The following FTSJ1 variants were observed in gnomAD, a reference collection of about 807,000 sequenced individuals.
The protein encoded by FTSJ1 is tRNA (cytidine(32)/guanosine(34)-2'-O)-methyltransferase.
A neutral mutation model predicts 28.5 loss-of-function variants in FTSJ1; 3 were observed. The observed-to-expected ratio is 0.11, with a 90% CI of 0.05 to 0.27. The LOEUF (loss-of-function observed/expected upper bound fraction) is 0.27, where lower values mean the gene tolerates loss of function less well. Ranked by LOEUF, FTSJ1 falls within the 10% of genes least tolerant of loss-of-function variation. FTSJ1 has a pLI of 1.00. For synonymous variants in FTSJ1, 104 were observed against 113.9 expected (o/e 0.91, Z 0.55); for missense variants, 162 against 279.0 (o/e 0.58, Z 2.99).
chrX:48,478,601 G>A lies in FTSJ1; in HGVS notation c.192-16G>A, dbSNP rs782588927. ...CGGGAGCGAAACTAGGCTGATGTGGGCCATGTTGTCCACAGGGGCCAAGGG... is the reference window on the plus strand; with the variant it reads ...CGGGAGCGAAACTAGGCTGATGTGGACCATGTTGTCCACAGGGGCCAAGGG... On this transcript the variant is annotated splice_polypyrimidine_tract_variant and intron_variant, in intron 3 of 12. Coordinates refer to ENST00000348411, the MANE Select transcript of FTSJ1 (RefSeq NM_012280.4). 3.7e-5 allele frequency: 45 copies of A among 1,200,368 alleles called. No individual in the cohort carries two copies. The Admixed American group carries it at 9.0e-4, about 24-fold the overall frequency.
intron 12 of FTSJ1, among the ~76,000 whole-genome samples, chrX:48,484,102 C>A (rs1309604845): frequency 1.8e-5 from 2 of 109,698 alleles, no homozygotes; most frequent in African/African-American, 6.7e-5. Flanking sequence ...CAGAGTCTTA[C>A]TCTGTTACCC....
chrX:48,478,018 C>G lies in FTSJ1; in HGVS notation c.-30C>G. ...ATACTGGCCGGCATCAGTGGACTGT[C>G]GGCAGGTCCTTGAGCAACTGGTGTG... On this transcript the variant is annotated 5_prime_UTR_variant, in exon 2 of 13. Coordinates refer to ENST00000348411, the MANE Select transcript of FTSJ1 (RefSeq NM_012280.4). 2 of 1,211,090 alleles carry G rather than the reference C, an allele frequency of 1.7e-6. No homozygotes were observed. The highest frequency in any genetic ancestry group is 2.2e-6 in the Non-Finnish European group (2 of 895,133).
intron 5 of FTSJ1, among the ~76,000 whole-genome samples, chrX:48,480,420 G>C (rs782722449): frequency 2.7e-5 from 3 of 110,629 alleles, no homozygotes; most frequent in Admixed American, 9.7e-5. Context: ...ACAGAGTGAG[G>C]GGGGGAGAGT....
At chrX:48,478,218 T>C in intron 2 of FTSJ1, 50 bp downstream of exon 2, 1 of 1,129,176 alleles carries the variant, frequency 8.9e-7, no homozygotes, top group Non-Finnish European at 1.2e-6. Flanking sequence ...GCACAGGAGG[T>C]AAACAAGTAG....
intron 4 of FTSJ1, 151 bp from the exon 5 acceptor site, chrX:48,478,887 T>G (rs1556967538): frequency 1.8e-6 from 1 of 549,230 alleles, no homozygotes; most frequent in Non-Finnish European, 3.1e-6. Flanking sequence ...AAAATGATGA[T>G]GCTGGGTCCC....
chrX:48,483,997 C>T (rs782680912), intron 12 of FTSJ1, among the ~76,000 whole-genome samples: 1 of 111,121 alleles, frequency 9.0e-6, no homozygotes, highest in South Asian at 3.8e-4. Flanking sequence ...TCTAAAACCA[C>T]GATGTTAGAG....
intron 4 of FTSJ1, 27 bp from the exon 5 acceptor site, chrX:48,479,011 G>A (rs367968238): frequency 1.4e-5 from 16 of 1,118,162 alleles, no homozygotes; most frequent in Non-Finnish European, 1.8e-5. Context: ...AGGGCCGTGG[G>A]GCCACTCATC....
intron 6 of FTSJ1, 30 bp from the exon 7 acceptor site, chrX:48,481,259 C>G: frequency 1.7e-6 from 2 of 1,205,894 alleles, no homozygotes; most frequent in South Asian, 3.5e-5. Flanking sequence ...CTGTCTCCAC[C>G]TCAGCCTCAG....
intron 12 of FTSJ1, among the ~76,000 whole-genome samples, chrX:48,483,966 A>G (rs781863729): frequency 1.8e-5 from 2 of 111,670 alleles, no homozygotes; most frequent in Admixed American, 1.9e-4. Flanking sequence ...ATGGGAGGAA[A>G]GTTTATCCAT....
intron 5 of FTSJ1, among the ~76,000 whole-genome samples, chrX:48,480,286 G>T (rs781958035): frequency 1.2e-4 from 13 of 111,280 alleles, no homozygotes; most frequent in Non-Finnish European, 2.5e-4. Flanking sequence ...GGAGGTGGGG[G>T]AGTAAGCTAT....
rs1423476970 is a variant in FTSJ1 at position 48,481,449 on chromosome X, G to A, written c.492G>A (p.Thr164=). The part of the protein sequence containing the change: ...VAKIFRGRDV[T]LLYSQLQVFF... ...AGATATTCCGAGGCCGGGATGTGAC[G>A]CTCCTCTACAGCCAGCTGCAGGTCT... is the stretch of plus-strand genomic sequence containing the variant. The change falls in exon 8 of 13, where the codon ACG becomes ACA. Residue 164 remains threonine, a synonymous_variant. Transcript: ENST00000348411. The A allele has an allele frequency of 5.8e-6, 7 of 1,210,400 alleles. No homozygotes were observed. The highest frequency in any genetic ancestry group is 2.2e-5 in the Admixed American group (1 of 45,897).
In FTSJ1 at chrX:48,482,639, C is replaced by A; in HGVS notation, c.802C>A (p.Pro268Thr). The part of the protein sequence containing the change: ...SEYKYTPPTQ[P>T]PISPPYQEAC... Reference sequence around the variant, plus strand: ...GTACAAGTACACTCCACCCACACAGCCCCCCATCTCGCCACCATACCAGGA... The same window carrying A: ...GTACAAGTACACTCCACCCACACAGACCCCCATCTCGCCACCATACCAGGA... Residue 268 changes from proline (P) to threonine (T), a missense_variant, in exon 11 of 13, where the codon CCC becomes ACC. Transcript: ENST00000348411. 1 of 1,202,986 alleles carries A rather than the reference C, an allele frequency of 8.3e-7. No individual in the cohort carries two copies. Among genetic ancestry groups the A allele is most frequent in the African/African-American group, 1.7e-5 (1 of 57,438 alleles).
rs1190967206 is a variant in FTSJ1 at position 48,480,003 on chromosome X, G to A, written c.361+887G>A. On this transcript the variant is annotated intron_variant, in intron 5 of 12. Transcript: ENST00000348411. ...TACTAAAAATACAAAAATTAGCCAG[G>A]TGTGGTGGCATGTGCCTGTAATCCC... 6.3e-5 allele frequency among the ~76,000 whole-genome samples: 7 copies of A among 111,532 alleles called. No homozygotes were observed. In the East Asian group the frequency reaches 2.0e-3, roughly 31 times the overall value.
At chrX:48,483,062 G>C in intron 12 of FTSJ1, 35 bp downstream of exon 12, 1 of 1,067,576 alleles carries the variant, frequency 9.4e-7, no homozygotes, top group Middle Eastern at 2.5e-4. Flanking sequence ...GTTTGAGTAA[G>C]GGCAACCTTT....
At chrX:48,478,970 A>G (rs1219962956) in intron 4 of FTSJ1, 68 bp from the exon 5 acceptor site, 5 of 884,732 alleles carry the variant, frequency 5.7e-6, no homozygotes, top group Admixed American at 2.2e-5. Context: ...GGCCAGGACC[A>G]TGGGCAGGCG....
At chrX:48,480,515 G>A (rs1470230968) in intron 5 of FTSJ1, among the ~76,000 whole-genome samples, 3 of 109,783 alleles carry the variant, frequency 2.7e-5, no homozygotes, top group South Asian at 4.1e-4. Flanking sequence ...CATTTTCACC[G>A]AGATGAGAGC....
intron 12 of FTSJ1, 93 bp downstream of exon 12, chrX:48,483,120 G>T: frequency 1.5e-6 from 1 of 679,647 alleles, no homozygotes; most frequent in South Asian, 2.3e-5. Flanking sequence ...TATGTCAACT[G>T]ATAAGATTTT....
chrX:48,483,366 A>G (rs2061581647), intron 12 of FTSJ1: 2 of 230,032 alleles, frequency 8.7e-6, no homozygotes, highest in Middle Eastern at 1.4e-3. Context: ...TTACATACAC[A>G]TATATACTAT....
chrX:48,481,405 C>A, intron 7 of FTSJ1, 21 bp from the exon 8 acceptor site: 1 of 1,206,343 alleles, frequency 8.3e-7, no homozygotes, highest in Non-Finnish European at 1.1e-6. Flanking sequence ...CACCCGCTGT[C>A]TTTGCCTTCT....
Sources: allele counts gnomAD v4.1 joint callset (sites outside exome capture counted in the v4.1 genomes callset), GRCh38; gene constraint gnomAD v4.1.1; transcripts MANE v1.5; gene names NCBI Gene and HGNC (gene_info 2026-07-23, HGNC 2026-07-21).